Variants in PARP12 observed in about 807,000 individuals in gnomAD.
The protein encoded by PARP12 is protein mono-ADP-ribosyltransferase PARP12.
PARP12 carries 59 observed loss-of-function variants against 72.4 expected under a neutral mutation model. That is an observed-to-expected ratio of 0.81 (90% CI 0.66 to 1.01). PARP12 has a LOEUF of 1.01. Ranked by LOEUF, PARP12 falls within the 50% of genes least tolerant of loss-of-function variation. PARP12 has a pLI of 0.00. For missense variants in PARP12, 851 were observed against 914.0 expected, an observed-to-expected ratio of 0.93 and a Z score of 0.89; for synonymous variants, 403 against 371.4, an observed-to-expected ratio of 1.09 and a Z score of -0.98.
At chr7:140,051,593 G>A (rs1816964360) in intron 4 of PARP12, among the ~76,000 whole-genome samples, 1 of 152,072 alleles carries the variant, frequency 6.6e-6, no homozygotes, top group African/African-American at 2.4e-5. Flanking sequence ...GTTTCACCAT[G>A]TTGGCCAGGC....
chr7:140,030,858 T>C (rs1815916087), intron 8 of PARP12, among the ~76,000 whole-genome samples: 1 of 152,178 alleles, frequency 6.6e-6, no homozygotes, highest in African/African-American at 2.4e-5. Flanking sequence ...GGACCAATTC[T>C]TTTTCCTCTA....
intron 8 of PARP12, 138 bp downstream of exon 8, chr7:140,034,097 C>T (rs578198172): frequency 9.5e-6 from 13 of 1,365,926 alleles, no homozygotes; most frequent in African/African-American, 1.5e-5. Flanking sequence ...AGAAGACAAA[C>T]GATAACAGAG....
At chr7:140,056,602 G>A (rs918397803) in intron 3 of PARP12, among the ~76,000 whole-genome samples, 55 of 152,296 alleles carry the variant, frequency 3.6e-4, no homozygotes, top group African/African-American at 1.1e-3. Flanking sequence ...GGCCCATCCA[G>A]AATTCACTCA....
intron 11 of PARP12, chr7:140,025,675 G>GT (rs778185059): frequency 8.2e-5 from 29 of 355,828 alleles, no homozygotes; most frequent in Non-Finnish European, 1.1e-4. Flanking sequence ...ACCCAAAGAG[G>GT]TTTTTTTTAA....
At chr7:140,025,927 C>G (rs920044496) in intron 11 of PARP12, among the ~76,000 whole-genome samples, 1 of 152,240 alleles carries the variant, frequency 6.6e-6, no homozygotes, top group Non-Finnish European at 1.5e-5. Context: ...TCTCCCGTCT[C>G]TGTCACCATC....
At chr7:140,046,416 A>G (rs1236994697) in intron 5 of PARP12, among the ~76,000 whole-genome samples, 1 of 152,242 alleles carries the variant, frequency 6.6e-6, no homozygotes, top group African/African-American at 2.4e-5. Context: ...TTGGGGAAAA[A>G]AAAAGTTAAA....
Position 140,024,857 on chromosome 7 carries a change from A to G in PARP12, c.1809T>C (p.Tyr603=). The change falls in exon 12 of 12, where the codon TAT becomes TAC. Residue 603 remains tyrosine, a synonymous_variant. Coordinates refer to ENST00000263549, the MANE Select transcript of PARP12 (RefSeq NM_022750.4). ...KGSYFARDAA[Y]SHHYSKSDTQ... ...TGTCGGATTTGCTGTAGTGGTGGGA[A>G]TATGCAGCATCTCGGGCAAAGTAGC... is the stretch of plus-strand genomic sequence containing the variant. 1 of 1,613,664 alleles carries G rather than the reference A, an allele frequency of 6.2e-7. No individual in the cohort carries two copies. Among genetic ancestry groups the G allele is most frequent in the Non-Finnish European group, 8.5e-7 (1 of 1,179,600 alleles).
At chr7:140,054,050 G>C (rs751752895) in intron 4 of PARP12, among the ~76,000 whole-genome samples, 1 of 152,100 alleles carries the variant, frequency 6.6e-6, no homozygotes, top group Non-Finnish European at 1.5e-5. Context: ...TTGTCAAGGG[G>C]AGTCACCAAA....
intron 6 of PARP12, among the ~76,000 whole-genome samples, chr7:140,039,436 G>GT (rs909937560): frequency 6.6e-6 from 1 of 152,112 alleles, no homozygotes; most frequent in East Asian, 1.9e-4. Flanking sequence ...AAAGCAAAGA[G>GT]TTTTTTTGCC....
chr7:140,056,849 G>GA lies in PARP12; in HGVS notation c.760+6_760+7insT, dbSNP rs1817199948. The GA allele has an allele frequency of 6.3e-7, 1 of 1,595,076 alleles. No individual in the cohort carries two copies. The highest frequency in any genetic ancestry group is 1.7e-5 in the Admixed American group (1 of 58,168). On this transcript the variant is annotated splice_region_variant and intron_variant, in intron 3 of 11. Transcript: ENST00000263549. Reference sequence around the variant, plus strand: ...CCACCAGCCTTACCACTCCCCACCAGCCTTACCAGAAGTCCCCTGTGGGAC... The same window carrying GA: ...CCACCAGCCTTACCACTCCCCACCAGACCTTACCAGAAGTCCCCTGTGGGAC...
rs546645396 is a variant in PARP12 at position 140,031,255 on chromosome 7, C to T, written c.1422-2567G>A. On this transcript the variant is annotated intron_variant, in intron 8 of 11. Coordinates refer to ENST00000263549, the MANE Select transcript of PARP12 (RefSeq NM_022750.4). ...GGGCATGGTGGCGCATGCCTGTGGT[C>T]CCAACTACTTGGGATGCTGAGGTGG... Among the ~76,000 whole-genome samples the T allele has an allele frequency of 2.0e-5, 3 of 152,214 alleles. No homozygotes were observed. The South Asian group carries it at 6.2e-4, about 32-fold the overall frequency.
chr7:140,043,445 C>T (rs1816579605), intron 5 of PARP12, among the ~76,000 whole-genome samples: 1 of 152,106 alleles, frequency 6.6e-6, no homozygotes, highest in South Asian at 2.1e-4. Flanking sequence ...AGGAAAAAAA[C>T]AGAACTTTTA....
intron 3 of PARP12, 146 bp from the exon 4 acceptor site, chr7:140,054,909 C>G (rs1817120503): frequency 1.6e-6 from 1 of 635,252 alleles, no homozygotes; most frequent in Non-Finnish European, 2.7e-6. Context: ...TGCTCCTACA[C>G]AGGTGGATCC....
chr7:140,060,768 C>T (rs1170577315), intron 1 of PARP12, among the ~76,000 whole-genome samples: 1 of 152,128 alleles, frequency 6.6e-6, no homozygotes, highest in Non-Finnish European at 1.5e-5. Flanking sequence ...CTGCCTCATC[C>T]CTGAAGGCTG....
intron 1 of PARP12, among the ~76,000 whole-genome samples, chr7:140,061,360 T>A (rs10253184): frequency 0.06 from 9,075 of 152,232 alleles, 508 homozygotes; most frequent in African/African-American, 0.15. Context: ...TCAGCCTGCA[T>A]CCCTGAATGA....
intron 4 of PARP12, among the ~76,000 whole-genome samples, chr7:140,050,674 G>C (rs1371053210): frequency 6.6e-6 from 1 of 152,202 alleles, no homozygotes; most frequent in African/African-American, 2.4e-5. Context: ...TCAGAGTTAA[G>C]AGAACAAGTA....
chr7:140,046,766 G>T (rs1585103035), intron 5 of PARP12, 118 bp downstream of exon 5: 2 of 1,074,340 alleles, frequency 1.9e-6, no homozygotes, highest in African/African-American at 3.5e-5. Flanking sequence ...GTCACACACA[G>T]AAGCCCAGGC....
intron 1 of PARP12, among the ~76,000 whole-genome samples, chr7:140,062,113 G>C (rs1224115352): frequency 6.6e-6 from 1 of 152,068 alleles, no homozygotes; most frequent in East Asian, 1.9e-4. Context: ...GTTGAACTGG[G>C]TTTAAAGATC....
intron 5 of PARP12, among the ~76,000 whole-genome samples, chr7:140,045,401 C>A (rs532458313): frequency 6.6e-6 from 1 of 152,128 alleles, no homozygotes; most frequent in Admixed American, 6.5e-5. Context: ...CTCAAAATAA[C>A]CTTGTGACGT....
Sources: gnomAD v4.1 joint callset for allele counts (sites outside exome capture counted in the v4.1 genomes callset) on GRCh38, gnomAD v4.1.1 for gene constraint, MANE v1.5 for transcripts, NCBI Gene and HGNC (gene_info 2026-07-23, HGNC 2026-07-21) for gene names.